The following SLC1A7 variants were observed in gnomAD, a reference collection of about 807,000 sequenced individuals.
SLC1A7 encodes excitatory amino acid transporter 5.
Under a neutral mutation model 47.7 loss-of-function variants are expected in SLC1A7, and 40 were observed. The ratio of observed to expected loss-of-function variants is 0.84; its 90% CI spans 0.65 to 1.09. SLC1A7 has a LOEUF of 1.09. Among genes scored for constraint, SLC1A7 ranks in the 50% least tolerant of loss-of-function variants. The pLI is 0.00. For synonymous variants in SLC1A7, 323 were observed against 325.6 expected (o/e 0.99, Z 0.09); for missense variants, 746 against 769.5 (o/e 0.97, Z 0.36).
intron 3 of SLC1A7, among the ~76,000 whole-genome samples, chr1:53,109,800 C>T (rs1644683512): frequency 6.6e-6 from 1 of 152,180 alleles, no homozygotes; most frequent in Admixed American, 6.5e-5. Flanking sequence ...GTCCGTCTGT[C>T]CTAAGATGGT....
chr1:53,100,946 G>A (rs1644569312), intron 5 of SLC1A7, among the ~76,000 whole-genome samples: 1 of 149,362 alleles, frequency 6.7e-6, no homozygotes, highest in Non-Finnish European at 1.5e-5. Context: ...CCCTGCACCG[G>A]TACACTCCCA....
At chr1:53,125,109 G>C (rs571973633) in intron 2 of SLC1A7, among the ~76,000 whole-genome samples, 15 of 152,178 alleles carry the variant, frequency 9.9e-5, no homozygotes, top group African/African-American at 3.4e-4. Flanking sequence ...TTGGCATGGC[G>C]TTAGTGAACT....
At chr1:53,119,582 G>A (rs61768116) in intron 2 of SLC1A7, among the ~76,000 whole-genome samples, 5,959 of 152,164 alleles carry the variant, frequency 0.039, 169 homozygotes, top group Middle Eastern at 0.11. Context: ...GAACTCCTGA[G>A]CCCAAATGAT....
chr1:53,122,344 T>C (rs1769302), intron 2 of SLC1A7, among the ~76,000 whole-genome samples: 150,943 of 152,292 alleles, frequency 0.99, 74,814 homozygotes, highest in Middle Eastern at 1. Flanking sequence ...GCTCTGGCCT[T>C]GGCTGACCTA....
At chr1:53,137,287 C>CAAAAAAAAAAAAAAAAAAACAAAAAAAA (rs60113708) in intron 1 of SLC1A7, among the ~76,000 whole-genome samples, 1 of 100,750 alleles carries the variant, frequency 9.9e-6, no homozygotes, top group Non-Finnish European at 2.0e-5. Flanking sequence ...ACGCTATCTC[C>CAAAAAAAAAAAAAAAAAAACAAAAAAAA]AAAAAAAAAA....
At chr1:53,094,315 G>A (rs560732646) in intron 5 of SLC1A7, among the ~76,000 whole-genome samples, 19 of 152,264 alleles carry the variant, frequency 1.2e-4, no homozygotes, top group Non-Finnish European at 2.4e-4. Flanking sequence ...TCCCCAGCTC[G>A]CACACACCAG....
intron 5 of SLC1A7, among the ~76,000 whole-genome samples, chr1:53,096,975 CACA>C: frequency 8.8e-6 from 1 of 113,450 alleles, no homozygotes; most frequent in African/African-American, 3.1e-5. Context: ...GGTACACTCA[CACA>C]CCCCGCCTCA....
chr1:53,088,026 G>T lies in SLC1A7; in HGVS notation c.1666C>A (p.Leu556Met). Reference protein sequence around the residue: ...LNHCTIQISELETNV With the variant: ...LNHCTIQISEMETNV Reference sequence around the variant, plus strand: ...CCGCAGGCTCAGACATTGGTCTCCAGCTCACTGATCTGGATGGTGCAGTGG... The same window carrying T: ...CCGCAGGCTCAGACATTGGTCTCCATCTCACTGATCTGGATGGTGCAGTGG... The change falls in exon 11 of 11, where the codon CTG (leucine) becomes ATG (methionine). Residue 556 changes from leucine (L) to methionine (M), a missense_variant. Transcript: ENST00000371494. 6.6e-7 allele frequency: 1 copy of T among 1,518,656 alleles called. No homozygotes were observed. Among genetic ancestry groups the T allele is most frequent in the Non-Finnish European group, 8.9e-7 (1 of 1,125,914 alleles). The allele number at this position is 1,518,656 out of a possible 1,614,324, so 94.1% of individuals were successfully genotyped here.
intron 2 of SLC1A7, among the ~76,000 whole-genome samples, chr1:53,120,112 G>GTCTCAA (rs1293658918): frequency 1.3e-5 from 2 of 152,202 alleles, no homozygotes; most frequent in African/African-American, 2.4e-5. Flanking sequence ...GGCCCAGCCT[G>GTCTCAA]TCTCAATCTG....
At chr1:53,100,373 C>T (rs1557672618) in intron 5 of SLC1A7, among the ~76,000 whole-genome samples, 1 of 148,234 alleles carries the variant, frequency 6.7e-6, no homozygotes, top group Admixed American at 6.7e-5. Context: ...ACTCACACGC[C>T]CCACCTCGGT....
chr1:53,088,874 C>T lies in SLC1A7; in HGVS notation c.1464+3G>A. On this transcript the variant is annotated splice_donor_region_variant and intron_variant, in intron 10 of 10. Transcript: ENST00000371494. Reference sequence around the variant, plus strand: ...GGCAGCCTCTGGATCTCACTGCTCTCACCTCGGTGCCTGTGTCCCGGGCAA... The same window carrying T: ...GGCAGCCTCTGGATCTCACTGCTCTTACCTCGGTGCCTGTGTCCCGGGCAA... 3 of 1,612,906 alleles carry T rather than the reference C, an allele frequency of 1.9e-6. No individual in the cohort carries two copies. The highest frequency in any genetic ancestry group is 1.1e-5 in the South Asian group (1 of 91,060).
In SLC1A7 at chr1:53,114,890, G is replaced by C. The variant is rs1469824691; in HGVS notation, c.299C>G (p.Thr100Ser). 20 of 1,614,224 alleles carry C rather than the reference G, an allele frequency of 1.2e-5. No homozygotes were observed. Among genetic ancestry groups the C allele is most frequent in the Non-Finnish European group, 1.6e-5 (19 of 1,180,032 alleles). ...VLTVAYYLWT[T>S]FMAVIVGIFM... ...GATGCCCACGATGACAGCCATGAAG[G>C]TGGTCCACAGGTAGTACGCCACGGT... Residue 100 changes from threonine (T) to serine (S), a missense_variant, in exon 3 of 11, where the codon ACC (threonine) becomes AGC (serine). Physicochemically the swap from Thr to Ser is moderately conservative, Grantham distance 58 (BLOSUM62 1). Transcript: ENST00000371494.
At chr1:53,093,647 C>T in intron 5 of SLC1A7, 87 bp from the exon 6 acceptor site, 2 of 943,118 alleles carry the variant, frequency 2.1e-6, no homozygotes. Context: ...TTCCCAGCAG[C>T]CTTGATGCTC....
chr1:53,093,123 C>T (rs982013230), intron 6 of SLC1A7, among the ~76,000 whole-genome samples: 1 of 152,184 alleles, frequency 6.6e-6, no homozygotes, highest in Non-Finnish European at 1.5e-5. Context: ...AACTGTGGGC[C>T]GAGGACTCTG....
At chr1:53,127,263 G>A (rs528967698) in intron 2 of SLC1A7, among the ~76,000 whole-genome samples, 77 of 152,244 alleles carry the variant, frequency 5.1e-4, no homozygotes, top group African/African-American at 1.6e-3. Context: ...AGCAGGCCCT[G>A]TATGGGGCAG....
At position 53,104,655 on chromosome 1, in the gene SLC1A7, G is replaced by A. The variant is rs560959483; in HGVS notation, c.474+1077C>T. 6.6e-5 allele frequency among the ~76,000 whole-genome samples: 10 copies of A among 152,312 alleles called. No homozygotes were observed. In the South Asian group the frequency reaches 2.1e-3, roughly 32 times the overall value. ...CCCTTCACAATCTGGCTTATTTCAT[G>A]GATGTCAGGAGAGACGCGGCGATAT... On this transcript the variant is annotated intron_variant, in intron 4 of 10. Coordinates refer to ENST00000371494, the MANE Select transcript of SLC1A7 (RefSeq NM_006671.6).
At chr1:53,119,574 A>T (rs1358025496) in intron 2 of SLC1A7, among the ~76,000 whole-genome samples, 1 of 151,328 alleles carries the variant, frequency 6.6e-6, no homozygotes, top group South Asian at 2.1e-4. Context: ...CTGGTCTGGA[A>T]CTCCTGAGCC....
At chr1:53,107,771 G>T (rs1644659882) in intron 3 of SLC1A7, among the ~76,000 whole-genome samples, 1 of 152,088 alleles carries the variant, frequency 6.6e-6, no homozygotes, top group Non-Finnish European at 1.5e-5. Flanking sequence ...GTTCACTGTT[G>T]TGTCTCCAGC....
chr1:53,092,427 C>T (rs1007460677), intron 7 of SLC1A7, 127 bp downstream of exon 7: 7 of 714,764 alleles, frequency 9.8e-6, no homozygotes, highest in South Asian at 1.7e-5. Context: ...CAGCCGTCCC[C>T]GCATTTGTGA....
Sources: allele counts gnomAD v4.1 joint callset (sites outside exome capture counted in the v4.1 genomes callset), GRCh38; gene constraint gnomAD v4.1.1; transcripts MANE v1.5; gene names NCBI Gene and HGNC (gene_info 2026-07-23, HGNC 2026-07-21).